Variants in TUSC3 observed in about 807,000 individuals in gnomAD.
TUSC3 encodes dolichyl-diphosphooligosaccharide--protein glycosyltransferase subunit TUSC3.
In TUSC3, 45 loss-of-function variants were observed where a neutral mutation model predicts 44.8. The observed-to-expected ratio is 1.00, with a 90% CI of 0.79 to 1.29. TUSC3 has a LOEUF of 1.29. TUSC3 is among the 50% of genes most tolerant of loss of function. The pLI is 0.00. For missense variants in TUSC3, 519 were observed against 437.9 expected, an observed-to-expected ratio of 1.19 and a Z score of -1.65; for synonymous variants, 212 against 152.9, an observed-to-expected ratio of 1.39 and a Z score of -2.85.
rs535585523 is a variant in TUSC3, at chr8:15,576,032, G to A, written c.138+35464G>A. 6.5e-4 allele frequency among the ~76,000 whole-genome samples: 99 copies of A among 151,822 alleles called. 1 individual carries two copies. The highest frequency in any genetic ancestry group is 3.4e-3 in the Middle Eastern group (1 of 294). ...AAACTGATTTCAGCTTTTTCCTTTT[G>A]AAATTTAGAAGTTATGATGAAATTT... On this transcript the variant is annotated intron_variant, in intron 1 of 10. Coordinates refer to ENST00000503731, the MANE Select transcript of TUSC3 (RefSeq NM_006765.4).
At chr8:15,801,237 T>C in the TUSC3 span, among the ~76,000 whole-genome samples, 2 of 152,326 alleles carry the variant, frequency 1.3e-5, no homozygotes, top group Non-Finnish European at 2.9e-5. Context: ...TATACGGTAA[T>C]TTCCTGACGC....
rs140164658 is a variant in TUSC3 at position 15,708,186 on chromosome 8, A to G, written c.799-22480A>G. Among the ~76,000 whole-genome samples the G allele has an allele frequency of 8.4e-4, 127 of 152,078 alleles. 1 individual carries two copies. Among genetic ancestry groups the G allele is most frequent in the Admixed American group, 1.6e-3 (24 of 15,226 alleles). Reference sequence around the variant, plus strand: ...ACTGGGCAGAGTAGCATAAGAAAGTAAAGAAAATACCCAAAGGCCTAGAGG... The same window carrying G: ...ACTGGGCAGAGTAGCATAAGAAAGTGAAGAAAATACCCAAAGGCCTAGAGG... On this transcript the variant is annotated intron_variant, in intron 6 of 10. Coordinates refer to ENST00000503731, the MANE Select transcript of TUSC3 (RefSeq NM_006765.4).
chr8:15,753,304 C>A (rs1811784582), intron 9 of TUSC3, among the ~76,000 whole-genome samples: 1 of 152,002 alleles, frequency 6.6e-6, no homozygotes, highest in African/African-American at 2.4e-5. Flanking sequence ...TGAGAACTGT[C>A]ATTTAATCGT....
At chr8:15,534,415 G>C (rs1191821451) in intron 2 of TUSC3, among the ~76,000 whole-genome samples, 2 of 151,930 alleles carry the variant, frequency 1.3e-5, no homozygotes, top group South Asian at 4.2e-4. Flanking sequence ...AGGCCGAGGC[G>C]GGCAGATCAC....
intron 1 of TUSC3, among the ~76,000 whole-genome samples, chr8:15,447,232 G>C (rs1375218260): frequency 2.6e-5 from 4 of 152,054 alleles, no homozygotes; most frequent in Non-Finnish European, 4.4e-5. Context: ...TATCATATTT[G>C]AATAAAGCAA....
intron 7 of TUSC3, 98 bp from the exon 8 acceptor site, chr8:15,743,440 T>G: frequency 8.3e-7 from 1 of 1,199,518 alleles, no homozygotes; most frequent in East Asian, 2.3e-5. Flanking sequence ...CTGTGTGCAT[T>G]TGTAGTTTAA....
chr8:15,503,105 C>T (rs1018021041), intron 2 of TUSC3, among the ~76,000 whole-genome samples: 6 of 152,020 alleles, frequency 3.9e-5, no homozygotes, highest in Non-Finnish European at 5.9e-5. Context: ...CCCAGAACCT[C>T]GGAATGTGAG....
Position 15,427,099 on chromosome 8 carries a change from T to C in TUSC3, n.91+9794T>C, listed in dbSNP as rs1495095. 0.034 allele frequency among the ~76,000 whole-genome samples: 4,986 copies of C among 147,260 alleles called. 575 individuals carry two copies. In the East Asian group the frequency reaches 0.34, roughly 10 times the overall value. ...TGTTTGTTTTTTTTTTGCCATTGAT[T>C]TGTAAGAGTTTCTTACATACTTTGG... is the stretch of plus-strand genomic sequence containing the variant. On this transcript the variant is annotated intron_variant and non_coding_transcript_variant, in intron 1 of 5. Coordinates refer to the TUSC3 transcript ENST00000503191.
intron 1 of TUSC3, among the ~76,000 whole-genome samples, chr8:15,541,209 G>T (rs1003745244): frequency 6.6e-6 from 1 of 152,164 alleles, no homozygotes; most frequent in East Asian, 1.9e-4. Flanking sequence ...ATTTATTTCT[G>T]AAGTTCATTC....
At chr8:15,840,817 G>C in the TUSC3 span, among the ~76,000 whole-genome samples, 4,323 of 152,220 alleles carry the variant, frequency 0.028, 206 homozygotes, top group African/African-American at 0.098. Context: ...CAACGCCAAA[G>C]TGAGAAATAA....
At chr8:15,726,724 T>G (rs1422053537) in intron 6 of TUSC3, among the ~76,000 whole-genome samples, 1 of 152,172 alleles carries the variant, frequency 6.6e-6, no homozygotes, top group Non-Finnish European at 1.5e-5. Flanking sequence ...GATAATCGTT[T>G]GAACCCAGGA....
chr8:15,762,783 CAT>C (rs1354119655), intron 10 of TUSC3, among the ~76,000 whole-genome samples: 12 of 152,036 alleles, frequency 7.9e-5, no homozygotes, highest in African/African-American at 2.9e-4. Flanking sequence ...CTTTTCAAAA[CAT>C]AATGCCACAG....
chr8:15,819,156 G>C, the TUSC3 span, among the ~76,000 whole-genome samples: 1 of 152,084 alleles, frequency 6.6e-6, no homozygotes, highest in Non-Finnish European at 1.5e-5. Context: ...GTCATAGATG[G>C]TTTTCTGGAT....
At chr8:15,630,886 A>T (rs1805732216) in intron 2 of TUSC3, among the ~76,000 whole-genome samples, 1 of 152,180 alleles carries the variant, frequency 6.6e-6, no homozygotes, top group Admixed American at 6.5e-5. Flanking sequence ...CACACCTCTC[A>T]TGGGTTTAGA....
At chr8:15,720,201 TACACAC>T (rs60082069) in intron 6 of TUSC3, among the ~76,000 whole-genome samples, 5 of 141,708 alleles carry the variant, frequency 3.5e-5, no homozygotes, top group South Asian at 2.4e-4. Context: ...TATATATATA[TACACAC>T]ACACACACAC....
chr8:15,609,317 T>A (rs550047315), intron 1 of TUSC3, among the ~76,000 whole-genome samples: 16 of 152,288 alleles, frequency 1.1e-4, no homozygotes, highest in East Asian at 7.7e-4. Context: ...TATAATGTAT[T>A]ACTACAATAG....
intron 2 of TUSC3, among the ~76,000 whole-genome samples, chr8:15,531,510 C>T (rs1801449248): frequency 6.6e-6 from 1 of 152,220 alleles, no homozygotes; most frequent in South Asian, 2.1e-4. Context: ...CCTCGGCCTC[C>T]CAAAGTGCTG....
chr8:15,433,658 A>G (rs1301754190), intron 1 of TUSC3, among the ~76,000 whole-genome samples: 1 of 152,034 alleles, frequency 6.6e-6, no homozygotes, highest in Non-Finnish European at 1.5e-5. Context: ...CTCTAGATTA[A>G]TTTGTCACTT....
intron 10 of TUSC3, among the ~76,000 whole-genome samples, chr8:15,762,346 A>T (rs1038823491): frequency 3.3e-5 from 5 of 152,092 alleles, no homozygotes; most frequent in African/African-American, 1.2e-4. Context: ...TTATCATTTC[A>T]TAATGATATA....
Sources: gnomAD v4.1 joint callset for allele counts (sites outside exome capture counted in the v4.1 genomes callset) on GRCh38, gnomAD v4.1.1 for gene constraint, MANE v1.5 for transcripts, NCBI Gene and HGNC (gene_info 2026-07-23, HGNC 2026-07-21) for gene names.